The following MYT1L variants were observed in gnomAD, a reference collection of about 807,000 sequenced individuals.
MYT1L encodes the protein myelin transcription factor 1 like.
MYT1L carries 12 observed loss-of-function variants against 126.7 expected under a neutral mutation model. That is an observed-to-expected ratio of 0.09 (90% CI 0.06 to 0.15). The LOEUF (loss-of-function observed/expected upper bound fraction) is 0.15. Among genes scored for constraint, MYT1L ranks in the 10% least tolerant of loss-of-function variants. The probability of loss-of-function intolerance (pLI) is 1.00; values close to 1 mark genes in which losing one functional copy is unlikely to be tolerated. For synonymous variants in MYT1L, 541 were observed against 604.2 expected (o/e 0.90, Z 1.53); for missense variants, 979 against 1,585.2 (o/e 0.62, Z 6.49).
intron 5 of MYT1L, among the ~76,000 whole-genome samples, chr2:1,993,546 A>G (rs111302283): frequency 2.6e-5 from 4 of 152,198 alleles, no homozygotes; most frequent in African/African-American, 9.7e-5. Context: ...GAATGGCTGC[A>G]TAGTATTCCT....
intron 8 of MYT1L, among the ~76,000 whole-genome samples, chr2:1,977,904 T>C (rs2060308790): frequency 6.6e-6 from 1 of 152,242 alleles, no homozygotes; most frequent in Non-Finnish European, 1.5e-5. Context: ...AAACTACTTA[T>C]TTCAATTATG....
chr2:2,005,778 T>A (rs1489083492), intron 4 of MYT1L, among the ~76,000 whole-genome samples: 1 of 150,038 alleles, frequency 6.7e-6, no homozygotes, highest in Non-Finnish European at 1.5e-5. Flanking sequence ...GTGCCTTCTT[T>A]CCTGTGTGCG....
At chr2:1,971,201 T>A (rs61239587) in intron 8 of MYT1L, among the ~76,000 whole-genome samples, 1 of 151,646 alleles carries the variant, frequency 6.6e-6, no homozygotes, top group Admixed American at 6.6e-5. Flanking sequence ...TTAAAATAAA[T>A]AAAATCATGC....
intron 18 of MYT1L, among the ~76,000 whole-genome samples, chr2:1,877,036 T>C (rs1355394100): frequency 1.3e-5 from 2 of 152,206 alleles, no homozygotes; most frequent in Non-Finnish European, 2.9e-5. Flanking sequence ...TCCGTGGTTC[T>C]GTAGGATAAA....
intron 3 of MYT1L, among the ~76,000 whole-genome samples, chr2:2,076,607 C>T (rs1167234881): frequency 6.6e-6 from 1 of 152,100 alleles, no homozygotes; most frequent in Non-Finnish European, 1.5e-5. Flanking sequence ...CTCAGAATCT[C>T]CAGAATTTTA....
chr2:2,125,257 C>G lies in MYT1L; in HGVS notation c.-304+47615G>C, dbSNP rs181257315. Among the ~76,000 whole-genome samples the G allele has an allele frequency of 1.4e-4, 21 of 152,238 alleles. No homozygotes were observed. In the East Asian group the frequency reaches 3.9e-3, roughly 28 times the overall value. On this transcript the variant is annotated intron_variant, in intron 3 of 24. Coordinates refer to ENST00000647738, the MANE Select transcript of MYT1L (RefSeq NM_001303052.2). ...CCTTAGTGAGTGGGGGTCTACTTGC[C>G]ACAGCCTCCTGTCTTGCCTTCCCAC... is the stretch of plus-strand genomic sequence containing the variant.
In MYT1L at chr2:1,979,698, A is replaced by C. The variant is rs2060455397; in HGVS notation, c.55+25T>G. 6.8e-6 allele frequency: 11 copies of C among 1,613,924 alleles called. No homozygotes were observed. Among genetic ancestry groups the C allele is most frequent in the Non-Finnish European group, 9.3e-6 (11 of 1,179,798 alleles). On this transcript the variant is annotated intron_variant, in intron 6 of 24. Transcript: ENST00000647738. The surrounding 1 kb of genome is among the most constrained non-coding windows in gnomAD (Gnocchi z 4.0). ...ATGAAGGTGACCCTGAGCCGGCCTC[A>C]GGATGCAGGGAAGCGCGGACATACC...
rs192828715 is a variant in MYT1L, at chr2:1,985,297, G to C, written c.1-5520C>G. 4.4e-4 allele frequency among the ~76,000 whole-genome samples: 67 copies of C among 152,336 alleles called. 1 individual carries two copies. The South Asian group carries it at 8.3e-3, about 19-fold the overall frequency. On this transcript the variant is annotated intron_variant, in intron 5 of 24. Coordinates refer to ENST00000647738, the MANE Select transcript of MYT1L (RefSeq NM_001303052.2). ...CAGAGATCAGTCCTAGCCTCTGTGA[G>C]GGGTAAGGAAGGCTCGGGGAAGGAA...
intron 2 of MYT1L, among the ~76,000 whole-genome samples, chr2:2,271,532 C>T (rs1051719404): frequency 2.6e-5 from 4 of 152,218 alleles, no homozygotes; most frequent in African/African-American, 7.2e-5. Context: ...GCCAGATGGC[C>T]TCTCTGAGCC....
chr2:1,822,537 G>A (rs2148155722), intron 21 of MYT1L, among the ~76,000 whole-genome samples: 1 of 152,324 alleles, frequency 6.6e-6, no homozygotes, highest in Non-Finnish European at 1.5e-5. Context: ...ACAGGATGGC[G>A]AGGGCTGGCC....
chr2:2,005,962 T>C (rs1217578486), intron 4 of MYT1L, among the ~76,000 whole-genome samples: 1 of 151,324 alleles, frequency 6.6e-6, no homozygotes, highest in African/African-American at 2.5e-5. Context: ...CTGAATGCGT[T>C]CTTTCCTGCA....
chr2:2,223,546 A>G (rs2149000728), intron 2 of MYT1L, among the ~76,000 whole-genome samples: 1 of 152,362 alleles, frequency 6.6e-6, no homozygotes, highest in South Asian at 2.1e-4. Context: ...ACGTGGTATT[A>G]GGCACTTCCG....
intron 18 of MYT1L, among the ~76,000 whole-genome samples, chr2:1,865,980 C>G (rs1177596018): frequency 1.3e-5 from 2 of 152,206 alleles, no homozygotes; most frequent in Non-Finnish European, 2.9e-5. Flanking sequence ...TGAACCCAAG[C>G]TGTCCCACCT....
chr2:1,840,086 G>C (rs1419524672), intron 20 of MYT1L, among the ~76,000 whole-genome samples: 1 of 152,198 alleles, frequency 6.6e-6, no homozygotes, highest in Non-Finnish European at 1.5e-5. Flanking sequence ...TAACAGAAAA[G>C]TTTGCATTCC....
At chr2:2,207,888 T>C (rs1572465091) in intron 2 of MYT1L, among the ~76,000 whole-genome samples, 1 of 152,212 alleles carries the variant, frequency 6.6e-6, no homozygotes, top group East Asian at 1.9e-4. Flanking sequence ...AACCTGGGCA[T>C]GATGTGCGGT....
At chr2:2,037,698 G>C (rs13400973) in intron 4 of MYT1L, among the ~76,000 whole-genome samples, 7,179 of 151,678 alleles carry the variant, frequency 0.047, 191 homozygotes, top group East Asian at 0.078. Context: ...GGAGGTTGCA[G>C]TGAGCCAAGA....
intron 3 of MYT1L, among the ~76,000 whole-genome samples, chr2:2,127,329 T>TA (rs1213902615): frequency 6.6e-6 from 1 of 152,220 alleles, no homozygotes; most frequent in Non-Finnish European, 1.5e-5. Flanking sequence ...CTCTCACAAC[T>TA]AGCCAAAGAG....
chr2:2,045,651 C>T (rs1230795494), intron 4 of MYT1L, among the ~76,000 whole-genome samples: 2 of 152,204 alleles, frequency 1.3e-5, no homozygotes, highest in Non-Finnish European at 1.5e-5. Flanking sequence ...TTTCCCTATC[C>T]TCTGCTCATG....
At chr2:2,300,941 A>G (rs2095772850) in intron 1 of MYT1L, among the ~76,000 whole-genome samples, 1 of 152,178 alleles carries the variant, frequency 6.6e-6, no homozygotes, top group African/African-American at 2.4e-5. Context: ...TGCAGGAGCT[A>G]CTGGTCACAG....
Sources: gnomAD v4.1 joint callset for allele counts (sites outside exome capture counted in the v4.1 genomes callset) on GRCh38, gnomAD v4.1.1 for gene constraint, Gnocchi (gnomAD v3.1) non-coding constraint, MANE v1.5 for transcripts, NCBI Gene and HGNC (gene_info 2026-07-23, HGNC 2026-07-21) for gene names.